PRSS38: variants seen among roughly 807,000 people sequenced by gnomAD.
PRSS38 encodes marapsin 2.
Under a neutral mutation model 26.8 loss-of-function variants are expected in PRSS38, and 22 were observed. That is an observed-to-expected ratio of 0.82 (90% confidence interval 0.59 to 1.17). The LOEUF is 1.17. Among genes scored for constraint, PRSS38 ranks in the 50% most tolerant of loss-of-function variants. PRSS38 has a pLI of 0.00. For missense variants in PRSS38, 427 were observed against 422.7 expected, an observed-to-expected ratio of 1.01 and a Z score of -0.09; for synonymous variants, 175 against 172.1, an observed-to-expected ratio of 1.02 and a Z score of -0.13.
intron 3 of PRSS38, among the ~76,000 whole-genome samples, chr1:227,843,831 C>T (rs148833199): frequency 6.6e-6 from 1 of 151,934 alleles, no homozygotes. Flanking sequence ...ACCAGCCTGG[C>T]CAACAAGGTG....
At chr1:227,818,608 G>A (rs559602269) in intron 3 of PRSS38, among the ~76,000 whole-genome samples, 3 of 142,506 alleles carry the variant, frequency 2.1e-5, no homozygotes, top group South Asian at 4.3e-4. Context: ...ATCCCAGAAG[G>A]TCAAGGCTGC....
chr1:227,824,943 A>G (rs948731289), intron 3 of PRSS38, among the ~76,000 whole-genome samples: 1 of 151,790 alleles, frequency 6.6e-6, no homozygotes, highest in Non-Finnish European at 1.5e-5. Context: ...AAATTTGCTT[A>G]AGTTCCTTGT....
intron 3 of PRSS38, among the ~76,000 whole-genome samples, chr1:227,824,433 G>T (rs1406131537): frequency 6.6e-6 from 1 of 152,136 alleles, no homozygotes; most frequent in East Asian, 1.9e-4. Context: ...GTATTCCATG[G>T]TATACATGTA....
chr1:227,825,538 C>T (rs1401434165), intron 3 of PRSS38, among the ~76,000 whole-genome samples: 2 of 152,138 alleles, frequency 1.3e-5, no homozygotes, highest in South Asian at 2.1e-4. Flanking sequence ...TTTAATCCAT[C>T]TTGAGTTAAT....
intron 3 of PRSS38, among the ~76,000 whole-genome samples, chr1:227,843,214 G>T (rs1279597689): frequency 6.6e-6 from 1 of 152,152 alleles, no homozygotes; most frequent in Admixed American, 6.5e-5. Flanking sequence ...CGCAAGACTT[G>T]GTTTACGATG....
chr1:227,845,529 C>T (rs541571625), exon 4 of PRSS38: 3 of 1,613,548 alleles, frequency 1.9e-6, no homozygotes, highest in African/African-American at 1.3e-5. Context: ...GCCCTGGTGC[C>T]ACCTGCTCTA....
Position 227,846,114 on chromosome 1 carries a change from C to T in PRSS38, c.887C>T (p.Pro296Leu), listed in dbSNP as rs1665427376. The change falls in exon 5 of 5, where the codon CCC becomes CTC. Residue 296 changes from proline to leucine, a missense_variant. By Grantham distance (98) the Pro-to-Leu change is moderately conservative (BLOSUM62 -3). Coordinates refer to ENST00000366757, the Ensembl canonical transcript of PRSS38. ...ATATGTGATAACATAGAAATCACGC[C>T]CACTCCTGCTCAGCCAGCCCCTGCT... 6.2e-7 allele frequency: 1 copy of T among 1,613,990 alleles called. No individual in the cohort carries two copies. The highest frequency in any genetic ancestry group is 8.5e-7 in the Non-Finnish European group (1 of 1,180,046).
At chr1:227,837,380 A>G (rs949994107) in intron 3 of PRSS38, among the ~76,000 whole-genome samples, 10 of 152,148 alleles carry the variant, frequency 6.6e-5, no homozygotes, top group African/African-American at 2.4e-4. Flanking sequence ...TTTTTCGCTG[A>G]CTACTGTTTT....
exon 5 of PRSS38, chr1:227,846,066 G>T (rs561834664): frequency 6.2e-7 from 1 of 1,614,120 alleles, no homozygotes; most frequent in Non-Finnish European, 8.5e-7. Context: ...GTGTATGCCA[G>T]TGTTTCCTAT....
chr1:227,823,618 G>A (rs1665032004), intron 3 of PRSS38, among the ~76,000 whole-genome samples: 1 of 152,070 alleles, frequency 6.6e-6, no homozygotes, highest in African/African-American at 2.4e-5. Context: ...GTGAATTCTT[G>A]CTCCATTTGG....
intron 3 of PRSS38, among the ~76,000 whole-genome samples, chr1:227,839,254 G>A (rs149527221): frequency 0.014 from 2,073 of 152,220 alleles, 23 homozygotes; most frequent in South Asian, 0.026. Flanking sequence ...GAAGCTGGGA[G>A]TTTGAGACCA....
chr1:227,833,460 G>A (rs1311602509), intron 3 of PRSS38, among the ~76,000 whole-genome samples: 1 of 152,010 alleles, frequency 6.6e-6, no homozygotes, highest in Non-Finnish European at 1.5e-5. Flanking sequence ...CAAGGAGGCA[G>A]AGGTTGCAGT....
intron 3 of PRSS38, among the ~76,000 whole-genome samples, chr1:227,830,027 T>C (rs545065600): frequency 8.5e-5 from 13 of 152,292 alleles, no homozygotes; most frequent in African/African-American, 2.6e-4. Flanking sequence ...GAGTAAGAAA[T>C]GCTTTTTCTA....
intron 3 of PRSS38, among the ~76,000 whole-genome samples, chr1:227,822,940 G>A (rs1419317482): frequency 6.6e-6 from 1 of 152,128 alleles, no homozygotes; most frequent in Non-Finnish European, 1.5e-5. Context: ...TTTAAATTAT[G>A]TATTTTTTAT....
exon 1 of PRSS38, chr1:227,815,802 G>T (rs376315622): frequency 6.2e-7 from 1 of 1,612,288 alleles, no homozygotes; most frequent in South Asian, 1.1e-5. Context: ...GCCCCTCCCC[G>T]GGTCGCAGCA....
At chr1:227,824,586 G>A (rs1665045328) in intron 3 of PRSS38, among the ~76,000 whole-genome samples, 1 of 152,114 alleles carries the variant, frequency 6.6e-6, no homozygotes, top group African/African-American at 2.4e-5. Flanking sequence ...AATATACCCA[G>A]TAATGAGATT....
At chr1:227,817,177 C>T (rs542697769) in intron 2 of PRSS38, 32 bp from the exon 3 acceptor site, 26 of 1,595,016 alleles carry the variant, frequency 1.6e-5, no homozygotes, top group Admixed American at 5.0e-5. Flanking sequence ...CAGGAAGCTG[C>T]GGGCATTGTA....
At chr1:227,841,100 C>T (rs1040674535) in intron 3 of PRSS38, among the ~76,000 whole-genome samples, 11 of 152,338 alleles carry the variant, frequency 7.2e-5, no homozygotes, top group African/African-American at 2.2e-4. Flanking sequence ...CACCCAGCAA[C>T]GGGCCTTTAC....
chr1:227,843,122 C>T (rs1342994784), intron 3 of PRSS38, among the ~76,000 whole-genome samples: 2 of 152,110 alleles, frequency 1.3e-5, no homozygotes, highest in Non-Finnish European at 2.9e-5. Context: ...ACATGTGTAG[C>T]CTTCTCTTGG....
Sources: allele counts gnomAD v4.1 joint callset (sites outside exome capture counted in the v4.1 genomes callset), GRCh38; gene constraint gnomAD v4.1.1; transcripts MANE v1.5; gene names NCBI Gene and HGNC (gene_info 2026-07-23, HGNC 2026-07-21).